Variants in ZNF385B observed in about 807,000 individuals in gnomAD.
ZNF385B encodes zinc finger protein 385B.
ZNF385B carries 23 observed loss-of-function variants against 39.2 expected under a neutral mutation model. The observed-to-expected ratio is 0.59, with a 90% CI of 0.42 to 0.83. The LOEUF (loss-of-function observed/expected upper bound fraction) is 0.83, where lower values mean the gene tolerates loss of function less well. Ranked by LOEUF, ZNF385B falls within the 40% of genes least tolerant of loss-of-function variation. ZNF385B has a pLI of 0.00. For missense variants in ZNF385B, 552 were observed against 598.9 expected, an observed-to-expected ratio of 0.92 and a Z score of 0.82; for synonymous variants, 205 against 222.6, an observed-to-expected ratio of 0.92 and a Z score of 0.70.
chr2:179,446,684 G>T lies in ZNF385B; in HGVS notation c.802C>A (p.Pro268Thr), dbSNP rs184885832. ...GAAGTGGCTGCTCCAGGTGGCAGGG[G>T]TGTTGTGCCAGATTTGAGGAGAAAT... ...GSFLLKSGTTPLPPGAATSPS... is the reference protein window; with the variant it reads ...GSFLLKSGTTTLPPGAATSPS... The change falls in exon 7 of 10, where the codon CCC (proline) becomes ACC (threonine). Residue 268 changes from proline to threonine, a missense_variant. Coordinates refer to ENST00000410066, the MANE Select transcript of ZNF385B (RefSeq NM_152520.6). 1.9e-6 allele frequency: 3 copies of T among 1,614,108 alleles called. No individual in the cohort carries two copies. The highest frequency in any genetic ancestry group is 1.7e-5 in the Admixed American group (1 of 60,020).
chr2:179,852,464 C>T (rs1684256997), intron 1 of ZNF385B, among the ~76,000 whole-genome samples: 1 of 152,160 alleles, frequency 6.6e-6, no homozygotes, highest in South Asian at 2.1e-4. Flanking sequence ...GGCTCCAGGA[C>T]CTCACCTCCT....
intron 3 of ZNF385B, among the ~76,000 whole-genome samples, chr2:179,710,345 A>G (rs1699913486): frequency 6.6e-6 from 1 of 152,152 alleles, no homozygotes; most frequent in Non-Finnish European, 1.5e-5. Flanking sequence ...CCAGGAGCAC[A>G]TCATTAAATG....
chr2:179,455,161 C>T (rs1034449410), intron 6 of ZNF385B, among the ~76,000 whole-genome samples: 36 of 151,876 alleles, frequency 2.4e-4, no homozygotes, highest in African/African-American at 8.5e-4. Flanking sequence ...TTTATGGTAC[C>T]TTTCCTATGT....
intron 1 of ZNF385B, among the ~76,000 whole-genome samples, chr2:179,839,533 T>C (rs954964075): frequency 1.1e-4 from 16 of 152,214 alleles, no homozygotes; most frequent in African/African-American, 3.6e-4. Flanking sequence ...TTTATTCTAG[T>C]TCTTCATCAT....
In ZNF385B at chr2:179,508,632, G is replaced by C. The variant is rs201465722; in HGVS notation, c.552+9896C>G. On this transcript the variant is annotated intron_variant, in intron 5 of 9. Coordinates refer to ENST00000410066, the MANE Select transcript of ZNF385B (RefSeq NM_152520.6). Reference sequence around the variant, plus strand: ...TTTGATCAGCAAACTAATATTTAATGGAAATGTACCAAAACTTGCAATTTC... The same window carrying C: ...TTTGATCAGCAAACTAATATTTAATCGAAATGTACCAAAACTTGCAATTTC... Among the ~76,000 whole-genome samples the C allele has an allele frequency of 1.1e-4, 17 of 152,260 alleles. No individual in the cohort carries two copies. The East Asian group carries it at 3.3e-3, about 29-fold the overall frequency.
At chr2:179,460,568 G>A (rs778241241) in intron 6 of ZNF385B, among the ~76,000 whole-genome samples, 1 of 152,144 alleles carries the variant, frequency 6.6e-6, no homozygotes, top group Non-Finnish European at 1.5e-5. Context: ...AAGTCCTGTG[G>A]CCAGAAGTTA....
intron 5 of ZNF385B, among the ~76,000 whole-genome samples, chr2:179,498,640 G>T (rs1035204098): frequency 1.3e-5 from 2 of 151,910 alleles, no homozygotes; most frequent in Admixed American, 6.6e-5. Flanking sequence ...TGAAACAAAT[G>T]ATAATGGAAA....
rs142885886 is a variant in ZNF385B, at chr2:179,465,207, C to T, written c.715+18065G>A. Among the ~76,000 whole-genome samples the T allele has an allele frequency of 5.0e-3, 766 of 152,226 alleles. 5 individuals carry two copies. The highest frequency in any genetic ancestry group is 7.9e-3 in the Non-Finnish European group (537 of 68,002). On this transcript the variant is annotated intron_variant, in intron 6 of 9. Coordinates refer to ENST00000410066, the MANE Select transcript of ZNF385B (RefSeq NM_152520.6). ...TTCTCCTTTAGCTTCTACAACAGCT[C>T]GTTCTAGACCCCTTCACCATCTCCT...
At chr2:179,797,437 C>T in intron 1 of ZNF385B, among the ~76,000 whole-genome samples, 1 of 152,146 alleles carries the variant, frequency 6.6e-6, no homozygotes, top group East Asian at 1.9e-4. Context: ...TCCTTCATAG[C>T]ATCAAATAAC....
intron 3 of ZNF385B, among the ~76,000 whole-genome samples, chr2:179,639,226 C>CAAAA (rs59905278): frequency 2.9e-4 from 27 of 93,014 alleles, no homozygotes; most frequent in South Asian, 9.2e-4. Context: ...GATCCTGCCT[C>CAAAA]AAAAAAAAAA....
chr2:179,571,363 G>A (rs1350608971), intron 3 of ZNF385B, among the ~76,000 whole-genome samples: 1 of 152,154 alleles, frequency 6.6e-6, no homozygotes, highest in Non-Finnish European at 1.5e-5. Context: ...GTGATCTATT[G>A]AGCATTTACT....
intron 3 of ZNF385B, among the ~76,000 whole-genome samples, chr2:179,731,276 G>T (rs1701371018): frequency 6.6e-6 from 1 of 152,138 alleles, no homozygotes; most frequent in African/African-American, 2.4e-5. Context: ...ATACCTACTG[G>T]ATGAGGTACA....
chr2:179,504,389 T>C (rs957714479), intron 5 of ZNF385B, among the ~76,000 whole-genome samples: 35 of 151,928 alleles, frequency 2.3e-4, no homozygotes, highest in Non-Finnish European at 3.4e-4. Context: ...TGGGTATATA[T>C]CCAGTAATGG....
intron 3 of ZNF385B, among the ~76,000 whole-genome samples, chr2:179,743,933 C>T (rs564181293): frequency 3.0e-4 from 46 of 152,156 alleles, no homozygotes; most frequent in Admixed American, 1.8e-3. Flanking sequence ...AGCACATACA[C>T]GTACAACTAA....
intron 3 of ZNF385B, among the ~76,000 whole-genome samples, chr2:179,555,853 C>T (rs1266102067): frequency 6.7e-6 from 1 of 149,090 alleles, no homozygotes; most frequent in Non-Finnish European, 1.5e-5. Context: ...CTTAGGGAAG[C>T]TCAGGGTTCT....
At chr2:179,821,993 T>G (rs1322103344) in intron 1 of ZNF385B, among the ~76,000 whole-genome samples, 1 of 152,230 alleles carries the variant, frequency 6.6e-6, no homozygotes, top group East Asian at 1.9e-4. Context: ...CAAGGTTTTC[T>G]GTAAAAAAGT....
At chr2:179,658,004 A>C (rs1693992284) in intron 3 of ZNF385B, among the ~76,000 whole-genome samples, 1 of 152,232 alleles carries the variant, frequency 6.6e-6, no homozygotes, top group South Asian at 2.1e-4. Context: ...ATTTTCAATC[A>C]AAGGGAGGAA....
In ZNF385B at chr2:179,713,252, A is replaced by C. The variant is rs562209236; in HGVS notation, c.298+56251T>G. On this transcript the variant is annotated intron_variant, in intron 3 of 9. Transcript: ENST00000410066. Reference sequence around the variant, plus strand: ...GAACATTTATATTTTCAAGAGTGGAAAATAGGATAAATGCATTGGATGAAA... The same window carrying C: ...GAACATTTATATTTTCAAGAGTGGACAATAGGATAAATGCATTGGATGAAA... 2.6e-4 allele frequency among the ~76,000 whole-genome samples: 39 copies of C among 152,320 alleles called. No homozygotes were observed. In the South Asian group the frequency reaches 7.5e-3, roughly 29 times the overall value.
intron 6 of ZNF385B, among the ~76,000 whole-genome samples, chr2:179,458,250 G>A (rs776740186): frequency 6.6e-6 from 1 of 152,128 alleles, no homozygotes; most frequent in East Asian, 1.9e-4. Context: ...TGCTGTTCTC[G>A]TGATAGTGAA....
Sources: gnomAD v4.1 joint callset for allele counts (sites outside exome capture counted in the v4.1 genomes callset) on GRCh38, gnomAD v4.1.1 for gene constraint, MANE v1.5 for transcripts, NCBI Gene and HGNC (gene_info 2026-07-23, HGNC 2026-07-21) for gene names.